The following TPM3 variants were observed in gnomAD, a reference collection of about 807,000 sequenced individuals.
The protein encoded by TPM3 is tropomyosin alpha-3 chain.
In TPM3, 16 loss-of-function variants were observed where a neutral mutation model predicts 43.1. The ratio of observed to expected loss-of-function variants is 0.37; its 90% CI spans 0.25 to 0.56. TPM3 has a LOEUF of 0.56. Among genes scored for constraint, TPM3 ranks in the 20% least tolerant of loss-of-function variants. TPM3 has a pLI of 0.77. For missense variants in TPM3, 176 were observed against 337.2 expected, an observed-to-expected ratio of 0.52 and a Z score of 3.74; for synonymous variants, 101 against 116.9, an observed-to-expected ratio of 0.86 and a Z score of 0.88.
downstream of TPM3, chr1:154,157,163 C>T: frequency 3.5e-6 from 1 of 282,974 alleles, no homozygotes; most frequent in Non-Finnish European, 6.8e-6. Context: ...CGGAGTCTCC[C>T]TGGGCTCTGT....
chr1:154,184,898 T>C (rs1663334904), intron 2 of TPM3, among the ~76,000 whole-genome samples: 1 of 151,434 alleles, frequency 6.6e-6, no homozygotes, highest in South Asian at 2.1e-4. Flanking sequence ...GGGTGACAGA[T>C]TGAGAGCCTG....
rs758557977 is a variant in TPM3 at position 154,169,306 on chromosome 1, T to G, written c.853A>C (p.Ile285Leu). 1 of 1,614,136 alleles carries G rather than the reference T, an allele frequency of 6.2e-7. No homozygotes were observed. Among genetic ancestry groups the G allele is most frequent in the Admixed American group, 1.7e-5 (1 of 60,018 alleles). The change falls in exon 9 of 10, where the codon ATA (isoleucine) becomes CTA (leucine). Residue 285 changes from isoleucine to leucine, a missense_variant and splice_region_variant. Ile to Leu is a conservative substitution (Grantham distance 5, BLOSUM62 2). Transcript: ENST00000651641. Reference protein sequence around the residue: ...LDHALNDMTSI With the variant: ...LDHALNDMTSL ...CCCACTCTACTGTCAGATAGTTACA[T>G]AGAGGTCATGTCATTGAGGGCGTGG...
intron 2 of TPM3, among the ~76,000 whole-genome samples, chr1:154,184,937 T>A (rs1663337419): frequency 6.6e-6 from 1 of 151,620 alleles, no homozygotes; most frequent in African/African-American, 2.4e-5. Context: ...CAGACGACTG[T>A]TACTAGATCC....
intron 5 of TPM3, chr1:154,172,057 A>G: frequency 6.2e-7 from 1 of 1,614,202 alleles, no homozygotes; most frequent in Non-Finnish European, 8.5e-7. Flanking sequence ...CAGACACTTC[A>G]GGTTCTGGTC....
chr1:154,190,972 T>TA (rs201746981), intron 2 of TPM3, among the ~76,000 whole-genome samples: 108 of 151,648 alleles, frequency 7.1e-4, no homozygotes, highest in South Asian at 5.6e-3. Flanking sequence ...TTACATGTAT[T>TA]AAAAAAAAAC....
At chr1:154,187,998 T>A (rs1444404475) in intron 2 of TPM3, among the ~76,000 whole-genome samples, 1 of 151,420 alleles carries the variant, frequency 6.6e-6, no homozygotes, top group Non-Finnish European at 1.5e-5. Context: ...GTAGATTTGG[T>A]AGGGTTGTTT....
downstream of TPM3, among the ~76,000 whole-genome samples, chr1:154,159,404 G>A (rs1038335503): frequency 1.6e-4 from 25 of 152,316 alleles, no homozygotes; most frequent in East Asian, 1.9e-4. Flanking sequence ...GAAGAAATGT[G>A]TTCACAATAA....
At chr1:154,159,063 G>A (rs1660093192), downstream of TPM3, 2 of 780,294 alleles carry the variant, frequency 2.6e-6, no homozygotes, top group Non-Finnish European at 2.4e-6. Context: ...AGCAGCAACG[G>A]AGAGGAGGGG....
In TPM3 at chr1:154,166,083, A is replaced by C. The variant is rs1660925879; in HGVS notation, c.*1854T>G. 6.6e-6 allele frequency among the ~76,000 whole-genome samples: 1 copy of C among 152,230 alleles called. No individual in the cohort carries two copies. Among genetic ancestry groups the C allele is most frequent in the Non-Finnish European group, 1.5e-5 (1 of 68,044 alleles). On this transcript the variant is annotated 3_prime_UTR_variant, in exon 10 of 10. Transcript: ENST00000651641. Reference sequence around the variant, plus strand: ...TACCTAGAAGATACCAGGAAGTGTCAGCTGAATAAATGAATCTGAACCTTA... The same window carrying C: ...TACCTAGAAGATACCAGGAAGTGTCCGCTGAATAAATGAATCTGAACCTTA...
downstream of TPM3, chr1:154,158,926 G>A: frequency 1.3e-6 from 1 of 778,338 alleles, no homozygotes; most frequent in South Asian, 1.3e-5. Flanking sequence ...TCAGTGGTGT[G>A]AGCAGTAAGC....
chr1:154,158,764 T>C, downstream of TPM3: 2 of 572,026 alleles, frequency 3.5e-6, no homozygotes, highest in Non-Finnish European at 3.2e-6. Context: ...TCTTCACCCA[T>C]AATCTCTTCT....
intron 9 of TPM3, 36 bp from the exon 10 acceptor site, chr1:154,167,976 G>C: frequency 6.2e-7 from 1 of 1,613,678 alleles, no homozygotes; most frequent in Non-Finnish European, 8.5e-7. Context: ...AGGTGAGAAG[G>C]ACTAGCATCA....
chr1:154,178,306 C>G, intron 2 of TPM3: 1 of 488,870 alleles, frequency 2.0e-6, no homozygotes, highest in Non-Finnish European at 2.7e-6. Context: ...GAATTCTTAG[C>G]AAGGCTGAAA....
intron 3 of TPM3, among the ~76,000 whole-genome samples, chr1:154,175,699 T>C (rs542577568): frequency 2.6e-5 from 4 of 152,200 alleles, no homozygotes; most frequent in East Asian, 1.9e-4. Flanking sequence ...ATCCAGAAAG[T>C]AGAAGTCATA....
rs140767186 is a variant in TPM3, at chr1:154,187,329, A to T, written c.243+3857T>A. 9.9e-4 allele frequency: 978 copies of T among 984,582 alleles called. 63 individuals are homozygous for T. The African/African-American group carries it at 0.016, about 16-fold the overall frequency. 61.0% of individuals were successfully genotyped at this position (984,582 alleles called of 1,614,324 possible). On this transcript the variant is annotated intron_variant, in intron 2 of 9. Coordinates refer to ENST00000651641, the MANE Select transcript of TPM3 (RefSeq NM_152263.4). The stretch of plus-strand genomic sequence containing the variant: ...TTAACCCACAGGTGGTAGTTTGCTG[A>T]CTCTAGCTTTGAGGAAAGAAACCTT...
At chr1:154,173,307 C>T in intron 3 of TPM3, 106 bp from the exon 4 acceptor site, 1 of 895,690 alleles carries the variant, frequency 1.1e-6, no homozygotes, top group Non-Finnish European at 1.8e-6. Context: ...TCCTCTCTGT[C>T]TGCCCCTCAA....
rs1660598282 is a variant in TPM3 at position 154,163,469 on chromosome 1, A to C, written c.*4468T>G. Among the ~76,000 whole-genome samples, 1 of 152,144 alleles carries C rather than the reference A, an allele frequency of 6.6e-6. No individual in the cohort carries two copies. Among genetic ancestry groups the C allele is most frequent in the Admixed American group, 6.6e-5 (1 of 15,260 alleles). On this transcript the variant is annotated 3_prime_UTR_variant, in exon 10 of 10. Transcript: ENST00000651641. ...ACTCAAAATGTACCCTCAAATTACTAAAGTATCAATGCATGTCCCATTTTC... is the reference window on the plus strand; with the variant it reads ...ACTCAAAATGTACCCTCAAATTACTCAAGTATCAATGCATGTCCCATTTTC...
At position 154,166,793 on chromosome 1, in the gene TPM3, T is replaced by C. The variant is rs1360701185; in HGVS notation, c.*1144A>G. 3.1e-6 allele frequency: 2 copies of C among 654,634 alleles called. No homozygotes were observed. The highest frequency in any genetic ancestry group is 3.8e-6 in the Non-Finnish European group (2 of 528,306). The allele number at this position is 654,634 out of a possible 1,614,324, so 40.6% of individuals were successfully genotyped here. On this transcript the variant is annotated 3_prime_UTR_variant, in exon 10 of 10. Coordinates refer to ENST00000651641, the MANE Select transcript of TPM3 (RefSeq NM_152263.4). ...GCCTCCCAGGTGCAAGCGATTCTCC[T>C]GCCTCAGCCTCCCGAGTAGCTGGGA...
intron 2 of TPM3, among the ~76,000 whole-genome samples, chr1:154,180,724 A>T (rs1370452054): frequency 6.6e-6 from 1 of 151,986 alleles, no homozygotes; most frequent in African/African-American, 2.4e-5. Flanking sequence ...CCTGGCCAAC[A>T]TGGTGAAACC....
Sources: allele counts gnomAD v4.1 joint callset (sites outside exome capture counted in the v4.1 genomes callset), GRCh38; gene constraint gnomAD v4.1.1; transcripts MANE v1.5; gene names NCBI Gene and HGNC (gene_info 2026-07-23, HGNC 2026-07-21).